PDE8A: variants seen among roughly 807,000 people sequenced by gnomAD.
PDE8A encodes the protein phosphodiesterase 8A.
A neutral mutation model predicts 105.0 loss-of-function variants in PDE8A; 59 were observed. The observed-to-expected ratio is 0.56, with a 90% CI of 0.46 to 0.70. The LOEUF (loss-of-function observed/expected upper bound fraction) is 0.70. Among genes scored for constraint, PDE8A ranks in the 30% least tolerant of loss-of-function variants. The pLI is 0.00. For missense variants in PDE8A, 1,014 were observed against 1,045.9 expected (o/e 0.97, Z 0.42); for synonymous variants, 355 against 371.9 (o/e 0.95, Z 0.52).
At chr15:85,059,717 G>A (rs1341644069) in intron 1 of PDE8A, among the ~76,000 whole-genome samples, 1 of 152,120 alleles carries the variant, frequency 6.6e-6, no homozygotes, top group African/African-American at 2.4e-5. Flanking sequence ...GATCTAAAGT[G>A]AATGTCTTAT....
intron 11 of PDE8A, among the ~76,000 whole-genome samples, chr15:85,108,500 A>G (rs1167291634): frequency 6.6e-6 from 1 of 152,150 alleles, no homozygotes; most frequent in Non-Finnish European, 1.5e-5. Flanking sequence ...AGAGTCAAAG[A>G]CAGTCCCCGT....
At chr15:85,060,336 T>A (rs903843010) in intron 1 of PDE8A, among the ~76,000 whole-genome samples, 2 of 152,212 alleles carry the variant, frequency 1.3e-5, no homozygotes, top group African/African-American at 4.8e-5. Flanking sequence ...CCCTTTTCAG[T>A]TATTGATGTC....
chr15:85,065,332 TGGGGAGG>T (rs1305025271), intron 2 of PDE8A, among the ~76,000 whole-genome samples: 10 of 56,394 alleles, frequency 1.8e-4, no homozygotes, highest in Admixed American at 5.5e-4. Context: ...GGGACTGTGG[TGGGGAGG>T]GGGGAGGGGG....
chr15:85,059,377 T>G (rs1159145994), intron 1 of PDE8A, among the ~76,000 whole-genome samples: 2 of 152,226 alleles, frequency 1.3e-5, no homozygotes, highest in Non-Finnish European at 2.9e-5. Context: ...CTATTAGATC[T>G]TGTTGGTTTA....
At chr15:85,037,473 A>G (rs950637816) in intron 1 of PDE8A, among the ~76,000 whole-genome samples, 7 of 152,340 alleles carry the variant, frequency 4.6e-5, no homozygotes, top group Admixed American at 2.6e-4. Context: ...CCCACAAAAT[A>G]TACTATAGAT....
At chr15:85,074,929 G>A (rs1164008187) in intron 3 of PDE8A, among the ~76,000 whole-genome samples, 1 of 152,164 alleles carries the variant, frequency 6.6e-6, no homozygotes, top group Non-Finnish European at 1.5e-5. Flanking sequence ...GTCTGGTTAT[G>A]TTCCTCTACA....
intron 14 of PDE8A, 82 bp from the exon 15 acceptor site, chr15:85,115,357 C>A: frequency 1.1e-6 from 1 of 874,692 alleles, no homozygotes; most frequent in South Asian, 1.5e-5. Flanking sequence ...CTGAGTTGTC[C>A]TGTGGGAGGA....
chr15:85,055,001 G>T (rs2081037730), intron 1 of PDE8A, among the ~76,000 whole-genome samples: 1 of 151,950 alleles, frequency 6.6e-6, no homozygotes, highest in South Asian at 2.1e-4. Context: ...CAGAGATTCT[G>T]GTATGTTGTG....
chr15:85,054,212 C>T (rs1266206696), intron 1 of PDE8A, among the ~76,000 whole-genome samples: 1 of 152,084 alleles, frequency 6.6e-6, no homozygotes, highest in Non-Finnish European at 1.5e-5. Context: ...CTGCTGGATT[C>T]AGTTTGCCAG....
intron 1 of PDE8A, among the ~76,000 whole-genome samples, chr15:85,062,227 C>T (rs998314572): frequency 6.6e-6 from 1 of 151,940 alleles, no homozygotes; most frequent in Non-Finnish European, 1.5e-5. Flanking sequence ...AAATCATTCT[C>T]CGTCTTCCCC....
chr15:85,029,578 T>C (rs1241685420), intron 1 of PDE8A, among the ~76,000 whole-genome samples: 1 of 152,208 alleles, frequency 6.6e-6, no homozygotes, highest in Non-Finnish European at 1.5e-5. Context: ...CTTCTATTTA[T>C]TTCTTTTCTA....
At chr15:85,058,948 C>G (rs751110041) in intron 1 of PDE8A, among the ~76,000 whole-genome samples, 1 of 152,080 alleles carries the variant, frequency 6.6e-6, no homozygotes, top group African/African-American at 2.4e-5. Context: ...TTAGTTTTCT[C>G]TTTTTCTAGT....
At chr15:85,127,991 A>G (rs2082280497) in intron 20 of PDE8A, among the ~76,000 whole-genome samples, 1 of 148,270 alleles carries the variant, frequency 6.7e-6, no homozygotes, top group African/African-American at 2.5e-5. Flanking sequence ...CATTTATATG[A>G]TCAGTGGCTA....
intron 1 of PDE8A, among the ~76,000 whole-genome samples, chr15:85,021,334 G>A (rs893745439): frequency 6.6e-6 from 1 of 152,152 alleles, no homozygotes; most frequent in Non-Finnish European, 1.5e-5. Flanking sequence ...TTGAAGCCAG[G>A]AGTTCAAGAC....
intron 20 of PDE8A, among the ~76,000 whole-genome samples, chr15:85,131,641 C>T (rs1293609292): frequency 6.6e-6 from 1 of 152,142 alleles, no homozygotes; most frequent in African/African-American, 2.4e-5. Flanking sequence ...AGTAAAGTTA[C>T]AAAACAAAAT....
At chr15:85,003,309 T>A (rs1244450483) in intron 1 of PDE8A, among the ~76,000 whole-genome samples, 1 of 152,218 alleles carries the variant, frequency 6.6e-6, no homozygotes, top group East Asian at 1.9e-4. Flanking sequence ...CATCAGTAGC[T>A]CCTGGCCTCA....
At chr15:85,090,028 C>T (rs1208683401) in intron 7 of PDE8A, among the ~76,000 whole-genome samples, 4 of 152,188 alleles carry the variant, frequency 2.6e-5, no homozygotes, top group Non-Finnish European at 4.4e-5. Context: ...TGGAGCTCTC[C>T]AGTCTTTCTT....
chr15:84,991,346 T>C (rs1026560342), intron 1 of PDE8A, among the ~76,000 whole-genome samples: 1 of 152,140 alleles, frequency 6.6e-6, no homozygotes, highest in African/African-American at 2.4e-5. Flanking sequence ...GGCACAGCAC[T>C]AAGAGGAAAC....
chr15:85,099,638 C>A, intron 9 of PDE8A: 1 of 207,644 alleles, frequency 4.8e-6, no homozygotes, highest in Non-Finnish European at 9.7e-6. Context: ...CACCAGTGAC[C>A]GTGAGCAGAT....
Sources: gnomAD v4.1 joint callset for allele counts (sites outside exome capture counted in the v4.1 genomes callset) on GRCh38, gnomAD v4.1.1 for gene constraint, MANE v1.5 for transcripts, NCBI Gene and HGNC (gene_info 2026-07-23, HGNC 2026-07-21) for gene names.